FAT3: variants seen among roughly 807,000 people sequenced by gnomAD.
The protein encoded by FAT3 is protocadherin Fat 3.
A neutral mutation model predicts 310.2 loss-of-function variants in FAT3; 95 were observed. The ratio of observed to expected loss-of-function variants is 0.31; its 90% CI spans 0.26 to 0.36. The LOEUF is 0.36. Ranked by LOEUF, FAT3 falls within the 10% of genes least tolerant of loss-of-function variation. The pLI is 1.00. For missense variants in FAT3, 5,408 were observed against 5,715.6 expected (o/e 0.95, Z 1.74); for synonymous variants, 2,314 against 2,192.9 (o/e 1.06, Z -1.54).
intron 2 of FAT3, among the ~76,000 whole-genome samples, chr11:92,448,254 T>G (rs538969663): frequency 6.6e-6 from 1 of 152,328 alleles, no homozygotes; most frequent in East Asian, 1.9e-4. Flanking sequence ...TCTACGTATC[T>G]CAAAGGCTGA....
intron 2 of FAT3, among the ~76,000 whole-genome samples, chr11:92,355,759 T>G (rs1948712026): frequency 6.6e-6 from 1 of 152,210 alleles, no homozygotes; most frequent in Non-Finnish European, 1.5e-5. Context: ...AAATTACATT[T>G]GAATTGGCTT....
At chr11:92,380,887 T>C (rs527917666) in intron 2 of FAT3, among the ~76,000 whole-genome samples, 1 of 152,326 alleles carries the variant, frequency 6.6e-6, no homozygotes, top group African/African-American at 2.4e-5. Context: ...TCACATAGTA[T>C]AAAATTCCCC....
At chr11:92,743,021 C>G (rs1945553423) in intron 4 of FAT3, among the ~76,000 whole-genome samples, 1 of 152,094 alleles carries the variant, frequency 6.6e-6, no homozygotes, top group African/African-American at 2.4e-5. Flanking sequence ...GCACTTAATC[C>G]AGTAATTAAG....
At chr11:92,879,830 C>T (rs1006672435) in intron 22 of FAT3, among the ~76,000 whole-genome samples, 2 of 152,080 alleles carry the variant, frequency 1.3e-5, no homozygotes, top group African/African-American at 4.8e-5. Flanking sequence ...AAAAGGGATA[C>T]CCAGGTTGCT....
chr11:92,713,363 T>TA (rs1448312617), intron 4 of FAT3, among the ~76,000 whole-genome samples: 2 of 152,240 alleles, frequency 1.3e-5, no homozygotes, highest in Non-Finnish European at 2.9e-5. Flanking sequence ...ACATTGTAGT[T>TA]ACTTTCAAAG....
At chr11:92,885,546 T>C (rs950000120) in intron 24 of FAT3, among the ~76,000 whole-genome samples, 3 of 152,164 alleles carry the variant, frequency 2.0e-5, no homozygotes, top group Admixed American at 1.3e-4. Context: ...TGTCTTTCTG[T>C]AGACACATGT....
At chr11:92,513,475 G>A (rs1285580731) in intron 2 of FAT3, among the ~76,000 whole-genome samples, 1 of 152,168 alleles carries the variant, frequency 6.6e-6, no homozygotes, top group Non-Finnish European at 1.5e-5. Flanking sequence ...AATTTCATGT[G>A]CTCTCAGAAA....
chr11:92,693,263 C>A (rs567143556), intron 3 of FAT3, among the ~76,000 whole-genome samples: 1 of 152,178 alleles, frequency 6.6e-6, no homozygotes, highest in African/African-American at 2.4e-5. Context: ...TTTATATCTC[C>A]AAACCACATT....
At chr11:92,414,100 T>C (rs1459825896) in intron 2 of FAT3, among the ~76,000 whole-genome samples, 1 of 152,160 alleles carries the variant, frequency 6.6e-6, no homozygotes, top group Non-Finnish European at 1.5e-5. Context: ...TGATGCTCAG[T>C]CCTTAGGATT....
intron 1 of FAT3, among the ~76,000 whole-genome samples, chr11:92,260,344 C>T (rs1865496907): frequency 6.6e-6 from 1 of 151,788 alleles, no homozygotes; most frequent in Admixed American, 6.6e-5. Context: ...AATATTTGAC[C>T]CAAGGCTCTA....
chr11:92,872,680 G>T (rs1463056496), intron 22 of FAT3, among the ~76,000 whole-genome samples: 2 of 152,138 alleles, frequency 1.3e-5, no homozygotes, highest in Non-Finnish European at 2.9e-5. Context: ...ACACATTAAA[G>T]GTTTCCAGAT....
At chr11:92,650,824 C>T (rs1942348994) in intron 3 of FAT3, among the ~76,000 whole-genome samples, 1 of 152,182 alleles carries the variant, frequency 6.6e-6, no homozygotes, top group African/African-American at 2.4e-5. Context: ...TATGAAAATA[C>T]TTACCTTAAA....
At chr11:92,393,229 C>T (rs934255774) in intron 2 of FAT3, among the ~76,000 whole-genome samples, 1 of 151,234 alleles carries the variant, frequency 6.6e-6, no homozygotes, top group African/African-American at 2.4e-5. Context: ...CACATGTGTA[C>T]CTGTGTGTGT....
At chr11:92,642,321 T>C (rs1941993433) in intron 3 of FAT3, among the ~76,000 whole-genome samples, 1 of 152,246 alleles carries the variant, frequency 6.6e-6, no homozygotes, top group South Asian at 2.1e-4. Context: ...AGTTCACTGC[T>C]TTAGTTGTCA....
At chr11:92,341,345 A>G (rs1164677253) in intron 1 of FAT3, among the ~76,000 whole-genome samples, 1 of 151,964 alleles carries the variant, frequency 6.6e-6, no homozygotes, top group Non-Finnish European at 1.5e-5. Flanking sequence ...AGGAAGAAAG[A>G]CTCTGTGGGT....
At chr11:92,852,832 T>A (rs1256572072) in intron 19 of FAT3, among the ~76,000 whole-genome samples, 1 of 152,184 alleles carries the variant, frequency 6.6e-6, no homozygotes, top group African/African-American at 2.4e-5. Flanking sequence ...TGCTATGGGT[T>A]ATGACAGAAG....
intron 3 of FAT3, among the ~76,000 whole-genome samples, chr11:92,529,953 C>T (rs916344924): frequency 5.3e-5 from 8 of 152,072 alleles, no homozygotes; most frequent in South Asian, 2.1e-4. Context: ...CCACTTTAGG[C>T]GACTTAGGAG....
intron 3 of FAT3, among the ~76,000 whole-genome samples, chr11:92,680,897 C>T (rs1943463346): frequency 6.6e-6 from 1 of 152,300 alleles, no homozygotes; most frequent in Non-Finnish European, 1.5e-5. Flanking sequence ...CACTGTCCTT[C>T]TTGCTAGTTC....
At chr11:92,275,956 T>TTATGAGTGTGATACATATAAAA (rs1565195261) in intron 1 of FAT3, among the ~76,000 whole-genome samples, 1 of 150,872 alleles carries the variant, frequency 6.6e-6, no homozygotes, top group Non-Finnish European at 1.5e-5. Flanking sequence ...TTGATCACGT[T>TTATGAGTGTGATACATATAAAA]TATGTGTGTG....
Sources: allele counts gnomAD v4.1 joint callset (sites outside exome capture counted in the v4.1 genomes callset), GRCh38; gene constraint gnomAD v4.1.1; transcripts MANE v1.5; gene names NCBI Gene and HGNC (gene_info 2026-07-23, HGNC 2026-07-21).